BRIP1: variants seen among roughly 807,000 people sequenced by gnomAD.
BRIP1 encodes the protein Fanconi anemia group J protein.
BRIP1 carries 88 observed loss-of-function variants against 119.7 expected under a neutral mutation model. The observed-to-expected ratio is 0.74, with a 90% CI of 0.62 to 0.88. The LOEUF is 0.88. Ranked by LOEUF, BRIP1 falls within the 40% of genes least tolerant of loss-of-function variation. The probability of loss-of-function intolerance (pLI) is 0.00; values close to 1 mark genes in which losing one functional copy is unlikely to be tolerated. For synonymous variants in BRIP1, 443 were observed against 496.5 expected, an observed-to-expected ratio of 0.89 and a Z score of 1.43; for missense variants, 1,259 against 1,455.4, an observed-to-expected ratio of 0.87 and a Z score of 2.20.
chr17:61,856,986 T>C lies in BRIP1; in HGVS notation c.379+72A>G. ...GTTATGCTAACCAAACTTATATAAATTAGGGCTTATAACAGTAATAATTAA... is the reference window on the plus strand; with the variant it reads ...GTTATGCTAACCAAACTTATATAAACTAGGGCTTATAACAGTAATAATTAA... On this transcript the variant is annotated intron_variant, in intron 4 of 19. Coordinates refer to ENST00000259008, the MANE Select transcript of BRIP1 (RefSeq NM_032043.3). The surrounding 1 kb of genome is among the most constrained non-coding windows in gnomAD (Gnocchi z 5.1). The C allele has an allele frequency of 7.0e-7, 1 of 1,429,876 alleles. No homozygotes were observed. The highest frequency in any genetic ancestry group is 1.7e-5 in the Admixed American group (1 of 59,692). The allele number at this position is 1,429,876 out of a possible 1,614,324, so 88.6% of individuals were successfully genotyped here. A position where few individuals can be genotyped will look rare whatever the true frequency, so the allele number is the denominator to read the frequency against.
At chr17:61,835,001 G>A (rs1045669784) in intron 6 of BRIP1, among the ~76,000 whole-genome samples, 2 of 152,206 alleles carry the variant, frequency 1.3e-5, no homozygotes, top group African/African-American at 4.8e-5. Context: ...ACGCACATGT[G>A]CGCACTTAAG....
At chr17:61,766,229 G>T (rs1029374985) in intron 14 of BRIP1, among the ~76,000 whole-genome samples, 1 of 152,092 alleles carries the variant, frequency 6.6e-6, no homozygotes, top group African/African-American at 2.4e-5. Flanking sequence ...CATATGAATT[G>T]TCTACTCAGA....
In BRIP1 at chr17:61,768,344, A is replaced by G. The variant is rs892876089; in HGVS notation, c.2097+8057T>C. 6.6e-6 allele frequency among the ~76,000 whole-genome samples: 1 copy of G among 152,222 alleles called. No homozygotes were observed. Among genetic ancestry groups the G allele is most frequent in the Non-Finnish European group, 1.5e-5 (1 of 68,036 alleles). ...ATTTAAAGTTCTTTCTCAATACAAA[A>G]TAAGTATTAGTATATGGAATTAGGC... On this transcript the variant is annotated intron_variant, in intron 14 of 19. Transcript: ENST00000259008. The surrounding 1 kb of genome is among the most constrained non-coding windows in gnomAD (Gnocchi z 5.0).
At chr17:61,781,090 T>A (rs2145100648) in intron 11 of BRIP1, 85 bp from the exon 12 acceptor site, 1 of 1,297,664 alleles carries the variant, frequency 7.7e-7, no homozygotes, top group Non-Finnish European at 1.1e-6. Flanking sequence ...CTGATTACAT[T>A]AAAACTCATT....
rs375877595 is a variant in BRIP1 at position 61,851,215 on chromosome 17, G to T, written c.380-1959C>A. Among the ~76,000 whole-genome samples the T allele has an allele frequency of 3.5e-4, 53 of 151,868 alleles. No individual in the cohort carries two copies. The South Asian group carries it at 0.011, about 32-fold the overall frequency. ...TGCACTCCAGCCTAGGTGACAGAAC[G>T]AGACTCCATCTCAAAAAAAGAAAAA... On this transcript the variant is annotated intron_variant, in intron 4 of 19. Coordinates refer to ENST00000259008, the MANE Select transcript of BRIP1 (RefSeq NM_032043.3). This position sits in a 1 kb window ranked among gnomAD's most constrained non-coding sequence, Gnocchi z 4.6.
intron 14 of BRIP1, among the ~76,000 whole-genome samples, chr17:61,749,695 A>G (rs1418409865): frequency 6.6e-6 from 1 of 152,218 alleles, no homozygotes; most frequent in Non-Finnish European, 1.5e-5. Context: ...AAAAGGAAAT[A>G]AAAATCAAAA....
rs1465359811 is a variant in BRIP1, at chr17:61,691,893, T to G, written c.2575+1537A>C. Among the ~76,000 whole-genome samples the G allele has an allele frequency of 6.6e-6, 1 of 152,240 alleles. No individual in the cohort carries two copies. Among genetic ancestry groups the G allele is most frequent in the Admixed American group, 6.5e-5 (1 of 15,282 alleles). Reference sequence around the variant, plus strand: ...TGTAGTAGTCAAAAAAGTATGGTACTGGCATAAAGAGAACCATATAAGCCA... The same window carrying G: ...TGTAGTAGTCAAAAAAGTATGGTACGGGCATAAAGAGAACCATATAAGCCA... On this transcript the variant is annotated intron_variant, in intron 18 of 19. Transcript: ENST00000259008. The surrounding 1 kb of genome is among the most constrained non-coding windows in gnomAD (Gnocchi z 5.0).
Position 61,683,334 on chromosome 17 carries a change from G to A in BRIP1, c.3712C>T (p.Pro1238Ser), listed in dbSNP as rs1192747697. Reference protein sequence around the residue: ...EIEIKNFKPSPSKNKGMFPGF... With the variant: ...EIEIKNFKPSSSKNKGMFPGF... The stretch of plus-strand genomic sequence containing the variant: ...GGAAACATGCCTTTATTTTTGGAAG[G>A]AGATGGTTTAAAGTTCTTTATTTCT... Residue 1238 changes from proline (P) to serine (S), a missense_variant, in exon 20 of 20, where the codon CCT (proline) becomes TCT (serine). This residue lies in a region of BRIP1 where 753 missense variants were observed against 891.8 expected (regional missense o/e 0.84). Coordinates refer to ENST00000259008, the MANE Select transcript of BRIP1 (RefSeq NM_032043.3). The surrounding 1 kb of genome is among the most constrained non-coding windows in gnomAD (Gnocchi z 4.7). The A allele has an allele frequency of 6.2e-7, 1 of 1,610,862 alleles. No individual in the cohort carries two copies. Among genetic ancestry groups the A allele is most frequent in the South Asian group, 1.1e-5 (1 of 90,506 alleles).
rs1555597153 is a variant in BRIP1, at chr17:61,762,236, T to A, written c.2097+14165A>T. 1.3e-5 allele frequency among the ~76,000 whole-genome samples: 2 copies of A among 151,018 alleles called. No individual in the cohort carries two copies. The highest frequency in any genetic ancestry group is 6.6e-5 in the Admixed American group (1 of 15,098). On this transcript the variant is annotated intron_variant, in intron 14 of 19. Coordinates refer to ENST00000259008, the MANE Select transcript of BRIP1 (RefSeq NM_032043.3). This position sits in a 1 kb window ranked among gnomAD's most constrained non-coding sequence, Gnocchi z 4.3. ...AAATGGACCCTTATCTCACAATATTTAAAAAAAAACTCAAAATGAATTAAA... is the reference window on the plus strand; with the variant it reads ...AAATGGACCCTTATCTCACAATATTAAAAAAAAAACTCAAAATGAATTAAA...
intron 14 of BRIP1, among the ~76,000 whole-genome samples, chr17:61,747,728 C>A (rs1391256761): frequency 2.0e-5 from 3 of 151,742 alleles, no homozygotes; most frequent in African/African-American, 7.3e-5. Context: ...ATTTTCATTT[C>A]TTTGCTAATT....
rs1294373371 is a variant in BRIP1, at chr17:61,807,268, T to C, written c.918+1199A>G. Among the ~76,000 whole-genome samples the C allele has an allele frequency of 6.6e-6, 1 of 152,206 alleles. No individual in the cohort carries two copies. Among genetic ancestry groups the C allele is most frequent in the Non-Finnish European group, 1.5e-5 (1 of 68,032 alleles). On this transcript the variant is annotated intron_variant, in intron 7 of 19. Coordinates refer to ENST00000259008, the MANE Select transcript of BRIP1 (RefSeq NM_032043.3). The surrounding 1 kb of genome is among the most constrained non-coding windows in gnomAD (Gnocchi z 4.5). The stretch of plus-strand genomic sequence containing the variant: ...TTTCATCTCTCCTTGAAGAGAAGTT[T>C]TTTAATATACAGAGTAAAGGAATTT...
rs866286079 is a variant in BRIP1, at chr17:61,720,798, C to G, written c.2380-4735G>C. Among the ~76,000 whole-genome samples, 3 of 152,140 alleles carry G rather than the reference C, an allele frequency of 2.0e-5. No homozygotes were observed. The highest frequency in any genetic ancestry group is 7.2e-5 in the African/African-American group (3 of 41,430). The stretch of plus-strand genomic sequence containing the variant: ...AATACTTTACTAAATTGTAAACCTA[C>G]TCAAGAAAAAACAAAGTATTTTCCG... On this transcript the variant is annotated intron_variant, in intron 16 of 19. Coordinates refer to ENST00000259008, the MANE Select transcript of BRIP1 (RefSeq NM_032043.3). The surrounding 1 kb of genome is among the most constrained non-coding windows in gnomAD (Gnocchi z 4.3).
At chr17:61,766,894 C>T (rs999017912) in intron 14 of BRIP1, among the ~76,000 whole-genome samples, 1 of 151,974 alleles carries the variant, frequency 6.6e-6, no homozygotes, top group African/African-American at 2.4e-5. Context: ...TGGACAGAAA[C>T]TTCTCTGTCC....
At chr17:61,696,229 C>T (rs371928162) in intron 17 of BRIP1, among the ~76,000 whole-genome samples, 13 of 143,740 alleles carry the variant, frequency 9.0e-5, no homozygotes, top group African/African-American at 2.8e-4. Context: ...TTGAGAAGAT[C>T]GTGTGGTTTT....
rs929136209 is a variant in BRIP1, at chr17:61,758,543, T to C, written c.2098-13952A>G. Among the ~76,000 whole-genome samples the C allele has an allele frequency of 3.3e-5, 5 of 151,958 alleles. No homozygotes were observed. Among genetic ancestry groups the C allele is most frequent in the African/African-American group, 1.2e-4 (5 of 41,358 alleles). On this transcript the variant is annotated intron_variant, in intron 14 of 19. Coordinates refer to ENST00000259008, the MANE Select transcript of BRIP1 (RefSeq NM_032043.3). The surrounding 1 kb of genome is among the most constrained non-coding windows in gnomAD (Gnocchi z 5.3). ...TCGCTTCACAATCTAGTGAATAAGA[T>C]CCAAAAGAAAAATATTTAAATTACA...
chr17:61,819,378 G>A lies in BRIP1; in HGVS notation c.628-10621C>T, dbSNP rs2078286971. 2.0e-5 allele frequency among the ~76,000 whole-genome samples: 3 copies of A among 152,092 alleles called. 1 individual carries two copies. Among genetic ancestry groups the A allele is most frequent in the South Asian group, 2.1e-4 (1 of 4,822 alleles). On this transcript the variant is annotated intron_variant, in intron 6 of 19. Coordinates refer to ENST00000259008, the MANE Select transcript of BRIP1 (RefSeq NM_032043.3). Reference sequence around the variant, plus strand: ...TATGATCCAGCAATCCCACTGCTAGGTGTATATCCAAAAGAAAGAAAATCA... The same window carrying A: ...TATGATCCAGCAATCCCACTGCTAGATGTATATCCAAAAGAAAGAAAATCA...
rs2078203704 is a variant in BRIP1, at chr17:61,814,103, T to C, written c.628-5346A>G. ...ATTAATAGACTCTTTAGAGCAAGAG[T>C]CAGCAAAAGAGCCAGACAGTAAACA... On this transcript the variant is annotated intron_variant, in intron 6 of 19. Coordinates refer to ENST00000259008, the MANE Select transcript of BRIP1 (RefSeq NM_032043.3). This position sits in a 1 kb window ranked among gnomAD's most constrained non-coding sequence, Gnocchi z 4.9. Among the ~76,000 whole-genome samples, 1 of 151,576 alleles carries C rather than the reference T, an allele frequency of 6.6e-6. No individual in the cohort carries two copies. Among genetic ancestry groups the C allele is most frequent in the African/African-American group, 2.4e-5 (1 of 41,256 alleles).
intron 2 of BRIP1, 48 bp from the exon 3 acceptor site, chr17:61,859,955 A>C: frequency 7.7e-7 from 1 of 1,303,386 alleles, no homozygotes; most frequent in Non-Finnish European, 1.1e-6. Context: ...TAACTTTATA[A>C]AGGTCTCTCT....
rs1277700920 is a variant in BRIP1, at chr17:61,695,175, G to T, written c.2493-1663C>A. On this transcript the variant is annotated intron_variant, in intron 17 of 19. Coordinates refer to ENST00000259008, the MANE Select transcript of BRIP1 (RefSeq NM_032043.3). This position sits in a 1 kb window ranked among gnomAD's most constrained non-coding sequence, Gnocchi z 4.3. ...CACTTTGAGTTAACTTTTGTATATGGTGTGAGGTAGGAGTCTAATTTCATT... is the reference window on the plus strand; with the variant it reads ...CACTTTGAGTTAACTTTTGTATATGTTGTGAGGTAGGAGTCTAATTTCATT... Among the ~76,000 whole-genome samples the T allele has an allele frequency of 6.6e-6, 1 of 152,000 alleles. No individual in the cohort carries two copies. Among genetic ancestry groups the T allele is most frequent in the Non-Finnish European group, 1.5e-5 (1 of 67,942 alleles).
Sources: gnomAD v4.1 joint callset for allele counts (sites outside exome capture counted in the v4.1 genomes callset) on GRCh38, gnomAD v4.1.1 for gene constraint, gnomAD v4.1.1 regional missense constraint, Gnocchi (gnomAD v3.1) non-coding constraint, MANE v1.5 for transcripts, NCBI Gene and HGNC (gene_info 2026-07-23, HGNC 2026-07-21) for gene names.